Variants in TENM2 observed in about 807,000 individuals in gnomAD.
The protein encoded by TENM2 is teneurin-2.
Under a neutral mutation model 245.2 loss-of-function variants are expected in TENM2, and 52 were observed. The observed-to-expected ratio is 0.21, with a 90% CI of 0.17 to 0.27. The LOEUF (loss-of-function observed/expected upper bound fraction) is 0.27. Among genes scored for constraint, TENM2 ranks in the 10% least tolerant of loss-of-function variants. TENM2 has a pLI of 1.00. For synonymous variants in TENM2, 1,363 were observed against 1,438.9 expected (o/e 0.95, Z 1.19); for missense variants, 3,046 against 3,666.8 (o/e 0.83, Z 4.37).
At chr5:167,145,233 T>C in the TENM2 span, among the ~76,000 whole-genome samples, 1 of 152,196 alleles carries the variant, frequency 6.6e-6, no homozygotes, top group African/African-American at 2.4e-5. Context: ...CACGGACATC[T>C]TTGGGAGGCT....
At chr5:167,063,454 C>T in the TENM2 span, among the ~76,000 whole-genome samples, 3 of 152,236 alleles carry the variant, frequency 2.0e-5, no homozygotes, top group African/African-American at 4.8e-5. Context: ...AGACCTGGAA[C>T]GATGTCTGTG....
chr5:167,355,789 G>A (rs938268534), intron 1 of TENM2, among the ~76,000 whole-genome samples: 6 of 151,778 alleles, frequency 4.0e-5, no homozygotes, highest in Non-Finnish European at 5.9e-5. Flanking sequence ...TTAATTGCCC[G>A]TCATTCTAGA....
At chr5:167,254,210 G>T in the TENM2 span, among the ~76,000 whole-genome samples, 213 of 152,234 alleles carry the variant, frequency 1.4e-3, no homozygotes, top group African/African-American at 4.9e-3. Flanking sequence ...GAACCAGGGG[G>T]AGAAAAGGTG....
In TENM2 at chr5:168,218,596, G is replaced by A. The variant is rs751767475; in HGVS notation, c.4705G>A (p.Ala1569Thr). The A allele has an allele frequency of 1.1e-5, 17 of 1,613,870 alleles. No individual in the cohort carries two copies. The South Asian group carries it at 1.9e-4, about 18-fold the overall frequency. ...AGACCTTGGAAATATTCGGATCAGG[G>A]CGGTCAGCAAGAACAAGCCTGTTCT... The change falls in exon 23 of 29, where the codon GCG (alanine) becomes ACG (threonine). Residue 1569 changes from alanine to threonine, a missense_variant. By Grantham distance (58) the Ala-to-Thr change is moderately conservative. Coordinates refer to ENST00000518659, the Ensembl canonical transcript of TENM2. The surrounding 1 kb of genome is among the most constrained non-coding windows in gnomAD (Gnocchi z 5.2).
At chr5:167,584,007 C>T (rs752424769) in intron 2 of TENM2, among the ~76,000 whole-genome samples, 3 of 152,208 alleles carry the variant, frequency 2.0e-5, no homozygotes, top group Non-Finnish European at 2.9e-5. Flanking sequence ...GGAGCTCCCA[C>T]TCTGTGATAC....
chr5:167,312,586 T>C (rs1313770715), intron 1 of TENM2, among the ~76,000 whole-genome samples: 1 of 152,114 alleles, frequency 6.6e-6, no homozygotes, highest in Non-Finnish European at 1.5e-5. Flanking sequence ...TGTATCATGA[T>C]ATGAGAAACG....
the TENM2 span, among the ~76,000 whole-genome samples, chr5:167,237,644 A>G: frequency 2.0e-5 from 3 of 152,194 alleles, no homozygotes; most frequent in Non-Finnish European, 4.4e-5. Flanking sequence ...AAGAAAGCGT[A>G]AGTGTCAGCA....
At chr5:167,584,997 C>T (rs1052013032) in intron 2 of TENM2, among the ~76,000 whole-genome samples, 10 of 152,188 alleles carry the variant, frequency 6.6e-5, no homozygotes, top group African/African-American at 2.2e-4. Flanking sequence ...ATGTTAATTT[C>T]ATCAATAACT....
intron 25 of TENM2, among the ~76,000 whole-genome samples, chr5:168,234,500 T>A (rs75606156): frequency 0.02 from 2,979 of 152,128 alleles, 46 homozygotes; most frequent in Non-Finnish European, 0.03. Flanking sequence ...AATATAAATA[T>A]CCCAAATATA....
chr5:167,883,547 C>A (rs773683659), intron 3 of TENM2, among the ~76,000 whole-genome samples: 1 of 152,204 alleles, frequency 6.6e-6, no homozygotes, highest in Non-Finnish European at 1.5e-5. Flanking sequence ...AAGTGACAGA[C>A]GGCAGAGAAC....
chr5:167,735,588 CT>C (rs1180981506), intron 2 of TENM2, among the ~76,000 whole-genome samples: 9 of 152,150 alleles, frequency 5.9e-5, no homozygotes, highest in African/African-American at 2.2e-4. Context: ...AGGAGGATCG[CT>C]TAAGCCAGAA....
chr5:167,462,572 A>G (rs1320705241), intron 2 of TENM2, among the ~76,000 whole-genome samples: 1 of 151,970 alleles, frequency 6.6e-6, no homozygotes, highest in Non-Finnish European at 1.5e-5. Flanking sequence ...ATGGATGGGG[A>G]GCTGGAAAGG....
chr5:167,295,474 A>G (rs1440937658), intron 1 of TENM2, among the ~76,000 whole-genome samples: 1 of 152,154 alleles, frequency 6.6e-6, no homozygotes, highest in Non-Finnish European at 1.5e-5. Flanking sequence ...TGCCTTTCTG[A>G]CCAGAACCTT....
At chr5:167,469,178 TAAG>T (rs1196168071) in intron 2 of TENM2, among the ~76,000 whole-genome samples, 1 of 152,146 alleles carries the variant, frequency 6.6e-6, no homozygotes, top group East Asian at 1.9e-4. Flanking sequence ...GTTAGGCTGA[TAAG>T]AAGATCATCA....
At chr5:167,431,283 G>GAAAGATATTTTCAGAAGAGATAC (rs1764205329) in intron 2 of TENM2, among the ~76,000 whole-genome samples, 1 of 152,112 alleles carries the variant, frequency 6.6e-6, no homozygotes, top group Admixed American at 6.5e-5. Context: ...CTGTGAAAGA[G>GAAAGATATTTTCAGAAGAGATAC]AAAGATATTT....
chr5:167,102,896 G>A, the TENM2 span, among the ~76,000 whole-genome samples: 1 of 152,218 alleles, frequency 6.6e-6, no homozygotes, highest in African/African-American at 2.4e-5. Context: ...TTGACCTCAA[G>A]TGATCTGCCC....
At chr5:167,151,614 GT>G in the TENM2 span, among the ~76,000 whole-genome samples, 1 of 152,056 alleles carries the variant, frequency 6.6e-6, no homozygotes, top group Non-Finnish European at 1.5e-5. Flanking sequence ...CACCTCCCGG[GT>G]TCATGCCATT....
chr5:167,884,736 T>C (rs139480446), intron 3 of TENM2, among the ~76,000 whole-genome samples: 360 of 152,348 alleles, frequency 2.4e-3, no homozygotes, highest in African/African-American at 7.7e-3. Context: ...AATAATTGTT[T>C]GAGCACTTGC....
At chr5:167,232,555 T>A in the TENM2 span, among the ~76,000 whole-genome samples, 1 of 152,040 alleles carries the variant, frequency 6.6e-6, no homozygotes, top group Non-Finnish European at 1.5e-5. Context: ...GTATTTTTAG[T>A]AGAGACAGGG....
Sources: gnomAD v4.1 joint callset for allele counts (sites outside exome capture counted in the v4.1 genomes callset) on GRCh38, gnomAD v4.1.1 for gene constraint, Gnocchi (gnomAD v3.1) non-coding constraint, MANE v1.5 for transcripts, NCBI Gene and HGNC (gene_info 2026-07-23, HGNC 2026-07-21) for gene names.